Variants in AHNAK2 observed in about 807,000 individuals in gnomAD.
The protein encoded by AHNAK2 is AHNAK nucleoprotein 2, also known as protein AHNAK2.
Under a neutral mutation model 30.7 loss-of-function variants are expected in AHNAK2, and 18 were observed. That is an observed-to-expected ratio of 0.59 (90% CI 0.41 to 0.87). AHNAK2 has a LOEUF of 0.87. Among genes scored for constraint, AHNAK2 ranks in the 40% least tolerant of loss-of-function variants. The pLI is 0.00. For synonymous variants in AHNAK2, 3,590 were observed against 3,073.8 expected, an observed-to-expected ratio of 1.17 and a Z score of -5.56; for missense variants, 8,604 against 7,373.0, an observed-to-expected ratio of 1.17 and a Z score of -6.11.
In AHNAK2 at chr14:104,941,218, CA is replaced by C; in HGVS notation, c.14232del (p.Phe4744LeufsTer54). ...IPLSSSECSS[F>X]ELQQVSACSE... ...GAACAAGCCGAAACCTGTTGTAATT[CA>C]AAACTTGAGCATTCTGAAGATGATA... On this transcript the variant is annotated frameshift_variant, in exon 7 of 7. Transcript: ENST00000333244. LOFTEE classifies it low-confidence loss of function (END_TRUNC). 1 of 1,613,566 alleles carries C rather than the reference CA, an allele frequency of 6.2e-7. No individual in the cohort carries two copies. Among genetic ancestry groups the C allele is most frequent in the Admixed American group, 1.7e-5 (1 of 60,010 alleles).
At position 104,941,832 on chromosome 14, in the gene AHNAK2, G is replaced by C; in HGVS notation, c.13619C>G (p.Ala4540Gly). ...KLPEGHMPEV[A>G]GLKGHLPKVE... ...CTTGGGCAGGTGCCCTTTGAGGCCG[G>C]CTACCTCGGGCATGTGGCCTTCTGG... Residue 4540 changes from alanine (A) to glycine (G), a missense_variant, in exon 7 of 7, where the codon GCC becomes GGC. Physicochemically the swap from Ala to Gly is moderately conservative, Grantham distance 60. Transcript: ENST00000333244. The C allele has an allele frequency of 6.2e-7, 1 of 1,613,432 alleles. No individual in the cohort carries two copies. The highest frequency in any genetic ancestry group is 8.5e-7 in the Non-Finnish European group (1 of 1,179,650).
Position 104,952,744 on chromosome 14 carries a change from C to A in AHNAK2, c.2707G>T (p.Glu903Ter). 1 of 1,612,804 alleles carries A rather than the reference C, an allele frequency of 6.2e-7. No individual in the cohort carries two copies. Among genetic ancestry groups the A allele is most frequent in the Non-Finnish European group, 8.5e-7 (1 of 1,179,642 alleles). The change falls in exon 7 of 7, where the codon GAG becomes TAG. Residue 903 changes from glutamate (E) to a stop codon, truncating the protein, a stop_gained. Transcript: ENST00000333244. LOFTEE classifies it low-confidence loss of function (END_TRUNC). ...CCGGCTCCCTCGGGCACAGGGCCCT[C>A]CGGAAGTTTCACATCCACTTGGCCA... Reference protein sequence around the residue: ...QAGQVDVKLPEGPVPEGAGPK... With the variant: ...QAGQVDVKLP
At position 104,950,043 on chromosome 14, in the gene AHNAK2, A is replaced by T. The variant is rs145652874; in HGVS notation, c.5408T>A (p.Val1803Glu). The change falls in exon 7 of 7, where the codon GTG (valine) becomes GAG (glutamate). Residue 1803 changes from valine to glutamate, a missense_variant. Physicochemically the swap from Val to Glu is moderately radical, Grantham distance 121 (BLOSUM62 -2). Coordinates refer to ENST00000333244, the MANE Select transcript of AHNAK2 (RefSeq NM_138420.4). ...CAGGGACAGGTCACCCTCCAGCCGC[A>T]CACTGTCCAGCTTGGCTCCTGGAGC... ...VEAPGAKLDSVRLEGDLSLAD... is the reference protein window; with the variant it reads ...VEAPGAKLDSERLEGDLSLAD... 2.5e-5 allele frequency: 39 copies of T among 1,576,092 alleles called. 3 individuals are homozygous for T. The highest frequency in any genetic ancestry group is 3.3e-5 in the Non-Finnish European group (38 of 1,159,962).
At position 104,952,608 on chromosome 14, in the gene AHNAK2, G is replaced by A. The variant is rs1202974108; in HGVS notation, c.2843C>T (p.Pro948Leu). 3 of 1,612,752 alleles carry A rather than the reference G, an allele frequency of 1.9e-6. No individual in the cohort carries two copies. The highest frequency in any genetic ancestry group is 2.5e-6 in the Non-Finnish European group (3 of 1,179,626). The change falls in exon 7 of 7, where the codon CCC (proline) becomes CTC (leucine). Residue 948 changes from proline (P) to leucine (L), a missense_variant. Transcript: ENST00000333244. ...ATCGGGGGCTGTCACTTCCGCCTTG[G>A]GGCCTTTCAGGTCCAGCTTGGGGCC... ...VKGPKLDLKG[P>L]KAEVTAPDGE...
At position 104,949,537 on chromosome 14, in the gene AHNAK2, C is replaced by T. The variant is rs1898531857; in HGVS notation, c.5914G>A (p.Gly1972Arg). ...TCCTTGTCGGCCAGGGACAGGTCTC[C>T]CTCCAGCCGCGCACCATCCAGCTTA... Reference protein sequence around the residue: ...KAKLDGARLEGDLSLADKDMT... With the variant: ...KAKLDGARLERDLSLADKDMT... The change falls in exon 7 of 7, where the codon GGA (glycine) becomes AGA (arginine). Residue 1972 changes from glycine (G) to arginine (R), a missense_variant. Transcript: ENST00000333244. 6.3e-7 allele frequency: 1 copy of T among 1,587,958 alleles called. No homozygotes were observed. The highest frequency in any genetic ancestry group is 8.6e-7 in the Non-Finnish European group (1 of 1,162,992).
At position 104,941,277 on chromosome 14, in the gene AHNAK2, G is replaced by A. The variant is rs763996017; in HGVS notation, c.14174C>T (p.Ala4725Val). 1.9e-6 allele frequency: 3 copies of A among 1,613,536 alleles called. No individual in the cohort carries two copies. The highest frequency in any genetic ancestry group is 1.1e-5 in the South Asian group (1 of 91,062). Residue 4725 changes from alanine to valine, a missense_variant, in exon 7 of 7, where the codon GCA becomes GTA. Ala to Val is a moderately conservative substitution (Grantham distance 64, BLOSUM62 0). Transcript: ENST00000333244. ...CGTGGAAAGACCTATGCTAGACTTTGCACCTGGGACTAAACTATCTTTAGG... is the reference window on the plus strand; with the variant it reads ...CGTGGAAAGACCTATGCTAGACTTTACACCTGGGACTAAACTATCTTTAGG... Reference protein sequence around the residue: ...KTPKDSLVPGAKSSIGLSTIP... With the variant: ...KTPKDSLVPGVKSSIGLSTIP...
chr14:104,949,548 G>A lies in AHNAK2; in HGVS notation c.5903C>T (p.Ala1968Val), dbSNP rs371185338. Residue 1968 changes from alanine to valine, a missense_variant, in exon 7 of 7, where the codon GCG becomes GTG. Transcript: ENST00000333244. Reference sequence around the variant, plus strand: ...CAGGGACAGGTCTCCCTCCAGCCGCGCACCATCCAGCTTAGCCTTCTGGGC... The same window carrying A: ...CAGGGACAGGTCTCCCTCCAGCCGCACACCATCCAGCTTAGCCTTCTGGGC... ...VQAQKAKLDG[A>V]RLEGDLSLAD... 48 of 1,586,078 alleles carry A rather than the reference G, an allele frequency of 3.0e-5. 13 individuals are homozygous for A. Among genetic ancestry groups the A allele is most frequent in the African/African-American group, 2.2e-4 (16 of 72,066 alleles).
In AHNAK2 at chr14:104,943,447, C is replaced by T. The variant is rs369160705; in HGVS notation, c.12004G>A (p.Val4002Met). ...TCCCCCTGCATGGAAGGGAGGCTCACGTCGGCCTCCACCTTTGGCGCGGTC... is the reference window on the plus strand; with the variant it reads ...TCCCCCTGCATGGAAGGGAGGCTCATGTCGGCCTCCACCTTTGGCGCGGTC... The part of the protein sequence containing the change: ...DVTAPKVEAD[V>M]SLPSMQGDLK... Residue 4002 changes from valine to methionine, a missense_variant, in exon 7 of 7, where the codon GTG becomes ATG. By Grantham distance (21) the Val-to-Met change is conservative. Coordinates refer to ENST00000333244, the MANE Select transcript of AHNAK2 (RefSeq NM_138420.4). The T allele has an allele frequency of 1.2e-5, 19 of 1,613,290 alleles. No individual in the cohort carries two copies. In the Admixed American group the frequency reaches 1.5e-4, roughly 13 times the overall value.
chr14:104,947,310 A>T lies in AHNAK2; in HGVS notation c.8141T>A (p.Val2714Glu), dbSNP rs746622752. 6.2e-7 allele frequency: 1 copy of T among 1,611,318 alleles called. No homozygotes were observed. The highest frequency in any genetic ancestry group is 1.7e-5 in the Admixed American group (1 of 59,796). The change falls in exon 7 of 7, where the codon GTG (valine) becomes GAG (glutamate). Residue 2714 changes from valine to glutamate, a missense_variant. Transcript: ENST00000333244. ...QLEVQAGQVD[V>E]KLPEGHVPEG... ...GGGAACGTGGCCCTCTGGGAGTTTC[A>T]CATCCACCTGGCCAGCCTGGACCTC... is the stretch of plus-strand genomic sequence containing the variant.
Position 104,941,354 on chromosome 14 carries a change from A to G in AHNAK2, c.14097T>C (p.Phe4699=), listed in dbSNP as rs745331660. 4.6e-5 allele frequency: 75 copies of G among 1,613,462 alleles called. No individual in the cohort carries two copies. The highest frequency in any genetic ancestry group is 1.6e-4 in the Middle Eastern group (1 of 6,084). Residue 4699 remains phenylalanine, a synonymous_variant, in exon 7 of 7, where the codon TTT becomes TTC. Coordinates refer to ENST00000333244, the MANE Select transcript of AHNAK2 (RefSeq NM_138420.4). ...AVGEVGMDSK[F]KKLHFKVPKV... ...TGGGCACTTTAAAATGCAGTTTCTT[A>G]AACTTCGAATCCATTCCAACTTCTC...
In AHNAK2 at chr14:104,951,665, C is replaced by T. The variant is rs1898720629; in HGVS notation, c.3786G>A (p.Lys1262=). The part of the protein sequence containing the change: ...PSLKMPKVDL[K]GPQVEVRGPK... ...GGCCCCTGACTTCCACCTGGGGGCC[C>T]TTGAGGTCCACTTTGGGCATCTTCA... The change falls in exon 7 of 7, where the codon AAG becomes AAA. Residue 1262 remains lysine (K), a synonymous_variant. Coordinates refer to ENST00000333244, the MANE Select transcript of AHNAK2 (RefSeq NM_138420.4). The T allele has an allele frequency of 8.0e-7, 1 of 1,247,008 alleles. No homozygotes were observed. Among genetic ancestry groups the T allele is most frequent in the African/African-American group, 1.4e-5 (1 of 70,682 alleles). 77.2% of individuals were successfully genotyped at this position (1,247,008 alleles called of 1,614,324 possible). A position where few individuals can be genotyped will look rare whatever the true frequency, so the allele number is the denominator to read the frequency against.
At position 104,941,537 on chromosome 14, in the gene AHNAK2, A is replaced by G. The variant is rs1253014795; in HGVS notation, c.13914T>C (p.Phe4638=). The change falls in exon 7 of 7, where the codon TTT becomes TTC. Residue 4638 remains phenylalanine (F), a synonymous_variant. Transcript: ENST00000333244. The stretch of plus-strand genomic sequence containing the variant: ...TGGAAACTTTCTTTGACGACCATTC[A>G]AAACCAGACGTGCTCAGTTTTGGTC... ...FQGPKLSTSG[F]EWSSKKVSMS... 1.2e-6 allele frequency: 2 copies of G among 1,613,068 alleles called. No individual in the cohort carries two copies. The highest frequency in any genetic ancestry group is 1.3e-5 in the African/African-American group (1 of 75,050).
chr14:104,978,288 G>A lies in AHNAK2; in HGVS notation c.-51C>T, dbSNP rs1037078732. On this transcript the variant is annotated 5_prime_UTR_variant, in exon 1 of 7. Coordinates refer to ENST00000333244, the MANE Select transcript of AHNAK2 (RefSeq NM_138420.4). ...GGCGGCCCGTCGCGTCCAGTCGCTG[G>A]TCCCGGCTCCGGCGCACGGGGCGGG... 1.3e-4 allele frequency: 142 copies of A among 1,078,282 alleles called. No individual in the cohort carries two copies. Among genetic ancestry groups the A allele is most frequent in the Non-Finnish European group, 1.6e-4 (138 of 875,340 alleles). The allele number at this position is 1,078,282 out of a possible 1,614,324, so 66.8% of individuals were successfully genotyped here. A position where few individuals can be genotyped will look rare whatever the true frequency, so the allele number is the denominator to read the frequency against.
intron 1 of AHNAK2, 122 bp from the exon 2 acceptor site, chr14:104,957,794 A>G: frequency 2.0e-6 from 2 of 1,011,586 alleles, no homozygotes; most frequent in Non-Finnish European, 1.5e-6. Flanking sequence ...TGGACACTGG[A>G]TCGGAGAGCA....
At chr14:104,961,739 G>A (rs1899155410) in intron 1 of AHNAK2, among the ~76,000 whole-genome samples, 1 of 152,176 alleles carries the variant, frequency 6.6e-6, no homozygotes, top group East Asian at 1.9e-4. Flanking sequence ...TTAGGAGACC[G>A]AGGCAGGAGG....
At position 104,942,842 on chromosome 14, in the gene AHNAK2, C is replaced by T; in HGVS notation, c.12609G>A (p.Glu4203=). 6.2e-7 allele frequency: 1 copy of T among 1,612,740 alleles called. No homozygotes were observed. Among genetic ancestry groups the T allele is most frequent in the Non-Finnish European group, 8.5e-7 (1 of 1,179,504 alleles). The stretch of plus-strand genomic sequence containing the variant: ...GGCCGGCTCCCTTGGGCAGGGGGCC[C>T]TCCGGGAGTTTCACGTCCACTTGGC... ...QAGQVDVKLP[E]GPLPKGAGLK... is the part of the protein sequence containing the mutation. Residue 4203 remains glutamate, a synonymous_variant, in exon 7 of 7, where the codon GAG becomes GAA. Coordinates refer to ENST00000333244, the MANE Select transcript of AHNAK2 (RefSeq NM_138420.4).
rs968230169 is a variant in AHNAK2, at chr14:104,978,354, G to T, written c.-117C>A. 53 of 746,284 alleles carry T rather than the reference G, an allele frequency of 7.1e-5. No homozygotes were observed. The highest frequency in any genetic ancestry group is 8.3e-5 in the Non-Finnish European group (50 of 601,844). The allele number at this position is 746,284 out of a possible 1,614,324, so 46.2% of individuals were successfully genotyped here. A position where few individuals can be genotyped will look rare whatever the true frequency, so the allele number is the denominator to read the frequency against. ...CTCTGCCCCGCTGCCCTGCGCTGCC[G>T]CGGGCGGCCGACCTCGGACTGCGGA... On this transcript the variant is annotated 5_prime_UTR_variant, in exon 1 of 7. Transcript: ENST00000333244.
chr14:104,961,143 C>A, intron 1 of AHNAK2, among the ~76,000 whole-genome samples: 1 of 149,248 alleles, frequency 6.7e-6, no homozygotes. Context: ...AAAAAAAAAA[C>A]AAATAAAATA....
chr14:104,945,201 T>C lies in AHNAK2; in HGVS notation c.10250A>G (p.Lys3417Arg), dbSNP rs746576162. 6.2e-6 allele frequency: 10 copies of C among 1,613,140 alleles called. No homozygotes were observed. Among genetic ancestry groups the C allele is most frequent in the Non-Finnish European group, 8.5e-7 (1 of 1,179,696 alleles). The change falls in exon 7 of 7, where the codon AAG (lysine) becomes AGG (arginine). Residue 3417 changes from lysine to arginine, a missense_variant. Physicochemically the swap from Lys to Arg is conservative, Grantham distance 26. Transcript: ENST00000333244. ...CGCCTTGGGGACTTTTAGGTCCAGC[T>C]TGGGGCCCTTGATGTCCACCTGGGG... The part of the protein sequence containing the change: ...KSPQVDIKGP[K>R]LDLKVPKAEV...
Sources: gnomAD v4.1 joint callset for allele counts (sites outside exome capture counted in the v4.1 genomes callset) on GRCh38, gnomAD v4.1.1 for gene constraint, MANE v1.5 for transcripts, NCBI Gene and HGNC (gene_info 2026-07-23, HGNC 2026-07-21) for gene names.